The following C15orf39 variants were observed in gnomAD, a reference collection of about 807,000 sequenced individuals.
The protein encoded by C15orf39 is uncharacterized protein C15orf39.
A neutral mutation model predicts 53.9 loss-of-function variants in C15orf39; 24 were observed. The observed-to-expected ratio is 0.45, with a 90% CI of 0.32 to 0.63. The LOEUF is 0.63. Ranked by LOEUF, C15orf39 falls within the 20% of genes least tolerant of loss-of-function variation. C15orf39 has a pLI of 0.04. For missense variants in C15orf39, 1,271 were observed against 1,347.9 expected, an observed-to-expected ratio of 0.94 and a Z score of 0.89; for synonymous variants, 569 against 576.5, an observed-to-expected ratio of 0.99 and a Z score of 0.19.
At chr15:75,200,324 A>G (rs1209479085), upstream of C15orf39, among the ~76,000 whole-genome samples, 23 of 152,130 alleles carry the variant, frequency 1.5e-4, no homozygotes, top group Admixed American at 6.5e-5. Flanking sequence ...ACTAGCCCCT[A>G]TTGTCTCAGA....
intron 1 of C15orf39, among the ~76,000 whole-genome samples, chr15:75,204,159 C>A (rs2070422522): frequency 2.0e-5 from 3 of 152,224 alleles, no homozygotes; most frequent in Non-Finnish European, 4.4e-5. Flanking sequence ...GTCACTGAAA[C>A]CTGTGACACT....
upstream of C15orf39, chr15:75,201,857 C>T (rs2070403666): frequency 6.6e-6 from 1 of 151,858 alleles, no homozygotes; most frequent in South Asian, 2.1e-4. The surrounding 1 kb of genome is among the most constrained non-coding windows in gnomAD (Gnocchi z 4.7). Flanking sequence ...CCGCCCCGCC[C>T]CCAGCCCGCC....
rs370287720 is a variant in C15orf39 at position 75,207,835 on chromosome 15, A to T, written c.1787A>T (p.His596Leu). The change falls in exon 2 of 3, where the codon CAT becomes CTT. Residue 596 changes from histidine to leucine, a missense_variant. Coordinates refer to ENST00000394987, the MANE Select transcript of C15orf39 (RefSeq NM_015492.5). ...GTCAAGGCTTCCCGTTCTGTGGAGC[A>T]TGCCAAGCCTACTGCAGCCATGGAT... The part of the protein sequence containing the change: ...SPVKASRSVE[H>L]AKPTAAMDVP... 3 of 1,612,960 alleles carry T rather than the reference A, an allele frequency of 1.9e-6. No homozygotes were observed. The highest frequency in any genetic ancestry group is 8.5e-7 in the Non-Finnish European group (1 of 1,179,736).
chr15:75,206,222 C>T lies in C15orf39; in HGVS notation c.174C>T (p.Ala58=), dbSNP rs756581472. 1.1e-5 allele frequency: 18 copies of T among 1,613,990 alleles called. No homozygotes were observed. In the Middle Eastern group the frequency reaches 4.9e-4, roughly 44 times the overall value. ...FSCPMAGTPK[A]ESEQLASWTP... ...GCCCCATGGCAGGTACTCCTAAGGC[C>T]GAGTCTGAGCAGTTGGCGTCCTGGA... Residue 58 remains alanine, a synonymous_variant, in exon 2 of 3, where the codon GCC becomes GCT. Transcript: ENST00000394987.
At position 75,206,374 on chromosome 15, in the gene C15orf39, C is replaced by G. The variant is rs759967363; in HGVS notation, c.326C>G (p.Pro109Arg). The change falls in exon 2 of 3, where the codon CCT becomes CGT. Residue 109 changes from proline (P) to arginine (R), a missense_variant. Pro to Arg is a moderately radical substitution (Grantham distance 103, BLOSUM62 -2). This residue lies in a region of C15orf39 where 994 missense variants were observed against 993.7 expected (regional missense o/e 1.00). Coordinates refer to ENST00000394987, the MANE Select transcript of C15orf39 (RefSeq NM_015492.5). ...CCTGAGAAGATGCAGGACTCCAGCC[C>G]TGTTGAGCTCCTGCCCTTCAGTCCC... is the stretch of plus-strand genomic sequence containing the variant. ...EGPEKMQDSSPVELLPFSPQA... is the reference protein window; with the variant it reads ...EGPEKMQDSSRVELLPFSPQA... 3.7e-6 allele frequency: 6 copies of G among 1,613,938 alleles called. No homozygotes were observed. In the African/African-American group the frequency reaches 6.7e-5, roughly 18 times the overall value.
Position 75,211,280 on chromosome 15 carries a change from G to T in C15orf39, c.*164G>T. ...ATTCAGGGTGGGCTGAAGAGCCCCT[G>T]AGCTTTTAACGTGAGGGTCTTTATT... On this transcript the variant is annotated 3_prime_UTR_variant, in exon 3 of 3. Transcript: ENST00000394987. 3 of 918,020 alleles carry T rather than the reference G, an allele frequency of 3.3e-6. No homozygotes were observed. In the East Asian group the frequency reaches 8.1e-5, roughly 25 times the overall value. The allele number at this position is 918,020 out of a possible 1,614,324, so 56.9% of individuals were successfully genotyped here. A position where few individuals can be genotyped will look rare whatever the true frequency, so the allele number is the denominator to read the frequency against.
chr15:75,206,551 C>G lies in C15orf39; in HGVS notation c.503C>G (p.Pro168Arg), dbSNP rs765148849. The G allele has an allele frequency of 6.2e-7, 1 of 1,613,768 alleles. No individual in the cohort carries two copies. Among genetic ancestry groups the G allele is most frequent in the Non-Finnish European group, 8.5e-7 (1 of 1,179,916 alleles). The change falls in exon 2 of 3, where the codon CCC becomes CGC. Residue 168 changes from proline (P) to arginine (R), a missense_variant. By Grantham distance (103) the Pro-to-Arg change is moderately radical (BLOSUM62 -2). Coordinates refer to ENST00000394987, the MANE Select transcript of C15orf39 (RefSeq NM_015492.5). The part of the protein sequence containing the change: ...DWTLATGPLL[P>R]SADPPCSLAP... ...ACTCTGGCGACTGGGCCCCTGTTGC[C>G]CTCAGCTGACCCACCCTGCTCTCTG... is the stretch of plus-strand genomic sequence containing the variant.
At position 75,207,780 on chromosome 15, in the gene C15orf39, G is replaced by A. The variant is rs2070451861; in HGVS notation, c.1732G>A (p.Val578Met). 1 of 1,611,660 alleles carries A rather than the reference G, an allele frequency of 6.2e-7. No homozygotes were observed. The highest frequency in any genetic ancestry group is 1.3e-5 in the African/African-American group (1 of 75,016). ...GGAGGAGGTAGCCCTGGATTTGAGT[G>A]TGAGGAAGCCCACAGCAGAGGCCTC... is the stretch of plus-strand genomic sequence containing the variant. The part of the protein sequence containing the change: ...LKEEVALDLS[V>M]RKPTAEASPV... Residue 578 changes from valine to methionine, a missense_variant, in exon 2 of 3, where the codon GTG becomes ATG. This residue lies in a region of C15orf39 where 994 missense variants were observed against 993.7 expected (regional missense o/e 1.00). Coordinates refer to ENST00000394987, the MANE Select transcript of C15orf39 (RefSeq NM_015492.5).
At chr15:75,202,881 G>T (rs1207313977) in intron 1 of C15orf39, among the ~76,000 whole-genome samples, 4 of 152,274 alleles carry the variant, frequency 2.6e-5, no homozygotes, top group Non-Finnish European at 4.4e-5. Flanking sequence ...CCGGAAGCCC[G>T]CCAGGTCGGG....
Position 75,208,350 on chromosome 15 carries a change from A to G in C15orf39, c.2302A>G (p.Thr768Ala). ...AGGGGACTCCCTGGAGCAGCATTTT[A>G]CAGGACTACATGCGTCCCTGTGTGA... ...APGDSLEQHF[T>A]GLHASLCDAI... The change falls in exon 2 of 3, where the codon ACA becomes GCA. Residue 768 changes from threonine (T) to alanine (A), a missense_variant. Transcript: ENST00000394987. 1 of 1,586,482 alleles carries G rather than the reference A, an allele frequency of 6.3e-7. No homozygotes were observed. The highest frequency in any genetic ancestry group is 8.6e-7 in the Non-Finnish European group (1 of 1,166,084).
Position 75,207,680 on chromosome 15 carries a change from G to T in C15orf39, c.1632G>T (p.Gln544His), listed in dbSNP as rs530957482. 3.7e-6 allele frequency: 6 copies of T among 1,608,322 alleles called. No homozygotes were observed. In the African/African-American group the frequency reaches 6.7e-5, roughly 18 times the overall value. Residue 544 changes from glutamine to histidine, a missense_variant, in exon 2 of 3, where the codon CAG becomes CAT. Physicochemically the swap from Gln to His is conservative, Grantham distance 24 (BLOSUM62 0). This residue lies in a region of C15orf39 where 994 missense variants were observed against 993.7 expected (regional missense o/e 1.00). Transcript: ENST00000394987. ...PDSAPATSEG[Q>H]DKGCRGTLPA... ...CAGCCCCAGCCACCAGTGAAGGTCA[G>T]GACAAAGGCTGCAGGGGGACCCTGC... is the stretch of plus-strand genomic sequence containing the variant.
Position 75,206,852 on chromosome 15 carries a change from C to G in C15orf39, c.804C>G (p.His268Gln). ...GPPCQDTGPT[H>Q]YPPPHHPPPH... ...CCTGTCAGGACACCGGGCCCACCCA[C>G]TACCCACCACCCCACCACCCACCAC... Residue 268 changes from histidine (H) to glutamine (Q), a missense_variant, in exon 2 of 3, where the codon CAC (histidine) becomes CAG (glutamine). Transcript: ENST00000394987. The G allele has an allele frequency of 6.4e-7, 1 of 1,556,624 alleles. No homozygotes were observed. The highest frequency in any genetic ancestry group is 8.7e-7 in the Non-Finnish European group (1 of 1,153,888).
Position 75,206,942 on chromosome 15 carries a change from C to T in C15orf39, c.894C>T (p.Tyr298=), listed in dbSNP as rs1275628797. 2 of 1,549,320 alleles carry T rather than the reference C, an allele frequency of 1.3e-6. No homozygotes were observed. The highest frequency in any genetic ancestry group is 1.7e-6 in the Non-Finnish European group (2 of 1,148,636). The stretch of plus-strand genomic sequence containing the variant: ...GCCACCCAGAGAAGCAGGGCAGCTA[C>T]AGCCCAGCACTCCCACTGCAGCCTC... ...ACRHPEKQGS[Y]SPALPLQPLG... is the part of the protein sequence containing the mutation. The change falls in exon 2 of 3, where the codon TAC becomes TAT. Residue 298 remains tyrosine, a synonymous_variant. Coordinates refer to ENST00000394987, the MANE Select transcript of C15orf39 (RefSeq NM_015492.5).
In C15orf39 at chr15:75,211,929, T is replaced by G. The variant is rs2070486636; in HGVS notation, c.*813T>G. 6.6e-6 allele frequency: 1 copy of G among 152,356 alleles called. No individual in the cohort carries two copies. The highest frequency in any genetic ancestry group is 2.4e-5 in the African/African-American group (1 of 41,450). 9.4% of individuals were successfully genotyped at this position (152,356 alleles called of 1,614,324 possible). On this transcript the variant is annotated 3_prime_UTR_variant, in exon 3 of 3. Transcript: ENST00000394987. ...CTAGAAGCTAAGCAGCTGCTGGGAC[T>G]CAGGGACTGGTGCAGGTAGGCTGAG... is the stretch of plus-strand genomic sequence containing the variant.
rs955173321 is a variant in C15orf39 at position 75,201,956 on chromosome 15, C to T, written c.-154C>T. 5.3e-5 allele frequency: 8 copies of T among 152,146 alleles called. No homozygotes were observed. Among genetic ancestry groups the T allele is most frequent in the African/African-American group, 1.9e-4 (8 of 41,548 alleles). The allele number at this position is 152,146 out of a possible 1,614,324, so 9.4% of individuals were successfully genotyped here. A position where few individuals can be genotyped will look rare whatever the true frequency, so the allele number is the denominator to read the frequency against. ...GCTTGGTGCTCACTGCGACTTCCCG[C>T]GCAGGGCCCGGTCGGACTAGGACCC... On this transcript the variant is annotated 5_prime_UTR_variant, in exon 1 of 3. Coordinates refer to ENST00000394987, the MANE Select transcript of C15orf39 (RefSeq NM_015492.5). This position sits in a 1 kb window ranked among gnomAD's most constrained non-coding sequence, Gnocchi z 4.7.
chr15:75,210,897 A>G lies in C15orf39; in HGVS notation c.2925A>G (p.Lys975=), dbSNP rs757160260. The change falls in exon 3 of 3, where the codon AAA becomes AAG. Residue 975 remains lysine, a synonymous_variant. Coordinates refer to ENST00000394987, the MANE Select transcript of C15orf39 (RefSeq NM_015492.5). ...AGCCACCAACCCCTGGCCCGGAGAA[A>G]GCAGAGGCAGCTGCTGGGGAAGAGT... is the stretch of plus-strand genomic sequence containing the variant. ...GRKPPTPGPE[K]AEAAAGEESC... is the part of the protein sequence containing the mutation. 6 of 1,613,586 alleles carry G rather than the reference A, an allele frequency of 3.7e-6. No homozygotes were observed. The highest frequency in any genetic ancestry group is 4.2e-6 in the Non-Finnish European group (5 of 1,179,988).
rs1567141947 is a variant in C15orf39 at position 75,210,827 on chromosome 15, T to G, written c.2855T>G (p.Leu952Arg). 2 of 1,613,882 alleles carry G rather than the reference T, an allele frequency of 1.2e-6. No homozygotes were observed. The highest frequency in any genetic ancestry group is 1.7e-6 in the Non-Finnish European group (2 of 1,179,994). ...VARGEPESLA[L>R]AQKSPAPKVR... The stretch of plus-strand genomic sequence containing the variant: ...AGAGGTGAGCCAGAGAGCCTAGCCC[T>G]GGCTCAGAAGTCACCGGCCCCCAAG... Residue 952 changes from leucine (L) to arginine (R), a missense_variant, in exon 3 of 3, where the codon CTG becomes CGG. Coordinates refer to ENST00000394987, the MANE Select transcript of C15orf39 (RefSeq NM_015492.5).
Position 75,207,699 on chromosome 15 carries a change from A to G in C15orf39, c.1651A>G (p.Thr551Ala), listed in dbSNP as rs781309732. 6.9e-6 allele frequency: 11 copies of G among 1,603,660 alleles called. No individual in the cohort carries two copies. In the Admixed American group the frequency reaches 1.9e-4, roughly 27 times the overall value. Residue 551 changes from threonine (T) to alanine (A), a missense_variant, in exon 2 of 3, where the codon ACC (threonine) becomes GCC (alanine). Physicochemically the swap from Thr to Ala is moderately conservative, Grantham distance 58. Transcript: ENST00000394987. Reference sequence around the variant, plus strand: ...AGGTCAGGACAAAGGCTGCAGGGGGACCCTGCCTGCCCAGGAGGGCCCCTC... The same window carrying G: ...AGGTCAGGACAAAGGCTGCAGGGGGGCCCTGCCTGCCCAGGAGGGCCCCTC... ...SEGQDKGCRG[T>A]LPAQEGPSGS...
chr15:75,208,463 G>A lies in C15orf39; in HGVS notation c.2415G>A (p.Trp805Ter). ...CTGGGCCCTGGGGCCAGGCTGCGTG[G>A]CAGGACTGCCAGGGTGTGCAGGGGC... Reference protein sequence around the residue: ...ETAGPWGQAAWQDCQGVQGLL... With the variant: ...ETAGPWGQAA The change falls in exon 2 of 3, where the codon TGG (tryptophan) becomes TGA (stop). Residue 805 changes from tryptophan to a stop codon, truncating the protein, a stop_gained. Coordinates refer to ENST00000394987, the MANE Select transcript of C15orf39 (RefSeq NM_015492.5). LOFTEE classifies it high-confidence loss of function. 1 of 1,602,282 alleles carries A rather than the reference G, an allele frequency of 6.2e-7. No individual in the cohort carries two copies. Among genetic ancestry groups the A allele is most frequent in the East Asian group, 2.2e-5 (1 of 44,632 alleles).
Sources: gnomAD v4.1 joint callset for allele counts (sites outside exome capture counted in the v4.1 genomes callset) on GRCh38, gnomAD v4.1.1 for gene constraint, gnomAD v4.1.1 regional missense constraint, Gnocchi (gnomAD v3.1) non-coding constraint, MANE v1.5 for transcripts, NCBI Gene and HGNC (gene_info 2026-07-23, HGNC 2026-07-21) for gene names.